ERO1B: variants seen among roughly 807,000 people sequenced by gnomAD.
ERO1B encodes ERO1-like protein beta.
A neutral mutation model predicts 75.3 loss-of-function variants in ERO1B; 49 were observed. That is an observed-to-expected ratio of 0.65 (90% CI 0.52 to 0.83). The LOEUF (loss-of-function observed/expected upper bound fraction) is 0.83. ERO1B is among the 40% of genes least tolerant of loss of function. ERO1B has a pLI of 0.00. For synonymous variants in ERO1B, 191 were observed against 192.9 expected (o/e 0.99, Z 0.08); for missense variants, 512 against 560.1 (o/e 0.91, Z 0.87).
chr1:236,232,847 A>G lies in ERO1B; in HGVS notation c.674-8T>C. ...GCTCACCATCATCTTCGCCTAAAAG[A>G]GAAAATAATAGAAAAGATTTTAGAA... is the stretch of plus-strand genomic sequence containing the variant. On this transcript the variant is annotated splice_polypyrimidine_tract_variant and splice_region_variant and intron_variant, in intron 8 of 15. Coordinates refer to ENST00000354619, the MANE Select transcript of ERO1B (RefSeq NM_019891.4). 1 of 1,592,294 alleles carries G rather than the reference A, an allele frequency of 6.3e-7. No homozygotes were observed. Among genetic ancestry groups the G allele is most frequent in the African/African-American group, 1.3e-5 (1 of 74,194 alleles).
chr1:236,278,240 G>C (rs562744925), intron 1 of ERO1B, among the ~76,000 whole-genome samples: 1 of 152,194 alleles, frequency 6.6e-6, no homozygotes, highest in East Asian at 1.9e-4. Context: ...GAACCTGTGT[G>C]AGGACTGTCT....
intron 1 of ERO1B, among the ~76,000 whole-genome samples, chr1:236,279,340 T>TA (rs1382221596): frequency 6.8e-6 from 1 of 146,934 alleles, no homozygotes; most frequent in Non-Finnish European, 1.5e-5. Flanking sequence ...TCATCTCTAC[T>TA]AAAAAATACA....
rs1278672506 is a variant in ERO1B at position 236,215,321 on chromosome 1, G to T, written c.*3195C>A. On this transcript the variant is annotated 3_prime_UTR_variant, in exon 16 of 16. Transcript: ENST00000354619. ...GTCTTCTTACTTATAAAACAGAGAA[G>T]TAATTGTACCTACCTACTAGTGCTA... Among the ~76,000 whole-genome samples, 1 of 152,082 alleles carries T rather than the reference G, an allele frequency of 6.6e-6. No individual in the cohort carries two copies. The highest frequency in any genetic ancestry group is 1.5e-5 in the Non-Finnish European group (1 of 67,998).
chr1:236,244,193 C>T (rs1188512710), intron 5 of ERO1B, among the ~76,000 whole-genome samples: 1 of 152,116 alleles, frequency 6.6e-6, no homozygotes, highest in Non-Finnish European at 1.5e-5. Context: ...CATTTTGCTA[C>T]CCTCTTTATT....
intron 5 of ERO1B, among the ~76,000 whole-genome samples, chr1:236,246,019 C>A (rs1027203576): frequency 6.6e-6 from 1 of 151,952 alleles, no homozygotes; most frequent in African/African-American, 2.4e-5. Flanking sequence ...ATCATAGTAC[C>A]AATCACTGGA....
intron 6 of ERO1B, among the ~76,000 whole-genome samples, chr1:236,237,225 TTC>T (rs746193035): frequency 6.7e-6 from 1 of 149,450 alleles, no homozygotes; most frequent in Non-Finnish European, 1.5e-5. Flanking sequence ...GTTCAAGCGA[TTC>T]TCCTGCCTCA....
In ERO1B at chr1:236,236,310, C is replaced by A. The variant is rs756775343; in HGVS notation, c.594G>T (p.Val198=). 1 of 1,613,928 alleles carries A rather than the reference C, an allele frequency of 6.2e-7. No individual in the cohort carries two copies. The highest frequency in any genetic ancestry group is 2.2e-5 in the East Asian group (1 of 44,866). ...TGYKGTSAWR[V]WNSIYEENCF... ...AGTTCTCTTCATAGATGCTGTTCCA[C>A]ACTCTCCATGCAGAGGTCCCTTTAT... Residue 198 remains valine, a synonymous_variant, in exon 7 of 16, where the codon GTG becomes GTT. Coordinates refer to ENST00000354619, the MANE Select transcript of ERO1B (RefSeq NM_019891.4).
intron 10 of ERO1B, among the ~76,000 whole-genome samples, chr1:236,226,964 A>G (rs961767691): frequency 3.3e-5 from 5 of 152,208 alleles, no homozygotes; most frequent in African/African-American, 1.2e-4. Context: ...TGCTGAAAAA[A>G]GCAGAAAAGT....
At chr1:236,224,072 T>C (rs1049148990) in intron 13 of ERO1B, among the ~76,000 whole-genome samples, 1 of 152,116 alleles carries the variant, frequency 6.6e-6, no homozygotes, top group African/African-American at 2.4e-5. Flanking sequence ...TTATGAAACA[T>C]CTCACCAGAG....
chr1:236,258,681 A>G (rs2477593), intron 2 of ERO1B, among the ~76,000 whole-genome samples: 37,638 of 151,950 alleles, frequency 0.25, 4,822 homozygotes, highest in East Asian at 0.38. Context: ...GAGGCCAGAA[A>G]TTCGAGACCA....
At chr1:236,280,888 T>C (rs953043075) in intron 1 of ERO1B, among the ~76,000 whole-genome samples, 5 of 152,178 alleles carry the variant, frequency 3.3e-5, no homozygotes, top group South Asian at 4.1e-4. Context: ...TTCTACTGAA[T>C]AGAAGCAAAC....
rs867906589 is a variant in ERO1B, at chr1:236,245,409, C to T, written c.432-1914G>A. On this transcript the variant is annotated intron_variant, in intron 5 of 15. Coordinates refer to ENST00000354619, the MANE Select transcript of ERO1B (RefSeq NM_019891.4). ...ACGTATATATATACGTATATATATA[C>T]ACACGTATATATATACGTATATATA... is the stretch of plus-strand genomic sequence containing the variant. Among the ~76,000 whole-genome samples the T allele has an allele frequency of 1.6e-4, 6 of 36,402 alleles. 1 individual carries two copies. Among genetic ancestry groups the T allele is most frequent in the Non-Finnish European group, 2.6e-4 (5 of 19,592 alleles). The allele number at this position is 36,402 out of a possible 152,430, so 23.9% of individuals were successfully genotyped here. A position where few individuals can be genotyped will look rare whatever the true frequency, so the allele number is the denominator to read the frequency against.
At position 236,218,449 on chromosome 1, in the gene ERO1B, A is replaced by T. The variant is rs1004530837; in HGVS notation, c.*67T>A. 7.5e-7 allele frequency: 1 copy of T among 1,340,682 alleles called. No individual in the cohort carries two copies. The highest frequency in any genetic ancestry group is 3.3e-5 in the East Asian group (1 of 29,876). 83.0% of individuals were successfully genotyped at this position (1,340,682 alleles called of 1,614,324 possible). A position where few individuals can be genotyped will look rare whatever the true frequency, so the allele number is the denominator to read the frequency against. On this transcript the variant is annotated 3_prime_UTR_variant, in exon 16 of 16. Coordinates refer to ENST00000354619, the MANE Select transcript of ERO1B (RefSeq NM_019891.4). The stretch of plus-strand genomic sequence containing the variant: ...AAGTCAGATTAGTGTCTTTCTGATG[A>T]ATGTCCATAATTAAAAGGCTTTCCA...
chr1:236,246,259 A>G (rs1037187044), intron 5 of ERO1B, among the ~76,000 whole-genome samples: 32 of 152,106 alleles, frequency 2.1e-4, no homozygotes, highest in African/African-American at 7.7e-4. Flanking sequence ...TCTCAAACTC[A>G]TGAACTCAAA....
chr1:236,253,433 G>C lies in ERO1B; in HGVS notation c.295C>G (p.Pro99Ala). The change falls in exon 3 of 16, where the codon CCC (proline) becomes GCC (alanine). Residue 99 changes from proline to alanine, a missense_variant. Transcript: ENST00000354619. ...HCSIKDCHVE[P>A]CPESKIPVGI... ...TTTATTTATTATACCTCTGGACAGG[G>C]CTCCACATGACAGTCTTTTATTGAA... 6.2e-7 allele frequency: 1 copy of C among 1,605,056 alleles called. No individual in the cohort carries two copies. Among genetic ancestry groups the C allele is most frequent in the Non-Finnish European group, 8.5e-7 (1 of 1,173,192 alleles).
intron 4 of ERO1B, among the ~76,000 whole-genome samples, chr1:236,251,226 A>C (rs894737129): frequency 2.6e-5 from 4 of 152,036 alleles, no homozygotes; most frequent in African/African-American, 9.6e-5. Flanking sequence ...AAAAATTTAC[A>C]CACAATAAAT....
intron 15 of ERO1B, among the ~76,000 whole-genome samples, chr1:236,219,858 C>CA (rs1295322716): frequency 4.0e-5 from 6 of 151,486 alleles, no homozygotes; most frequent in Admixed American, 2.0e-4. Context: ...CCCATCTCTA[C>CA]AAAAAAAATT....
intron 15 of ERO1B, 59 bp from the exon 16 acceptor site, chr1:236,218,635 T>G (rs1664058831): frequency 2.5e-6 from 3 of 1,212,630 alleles, no homozygotes; most frequent in Admixed American, 6.5e-5. Context: ...TGTTTCAAAT[T>G]ATTGATATTG....
chr1:236,279,472 C>T (rs1412522386), intron 1 of ERO1B, among the ~76,000 whole-genome samples: 1 of 127,908 alleles, frequency 7.8e-6, no homozygotes, highest in Non-Finnish European at 1.5e-5. Context: ...CACCGCACTC[C>T]AGTCTGGGTG....
Sources: gnomAD v4.1 joint callset for allele counts (sites outside exome capture counted in the v4.1 genomes callset) on GRCh38, gnomAD v4.1.1 for gene constraint, MANE v1.5 for transcripts, NCBI Gene and HGNC (gene_info 2026-07-23, HGNC 2026-07-21) for gene names.